Variants in TNFSF4 observed in about 807,000 individuals in gnomAD.
TNFSF4 encodes TNF superfamily member 4, also known as tumor necrosis factor ligand superfamily member 4.
Under a neutral mutation model 7.3 loss-of-function variants are expected in TNFSF4, and 4 were observed. The ratio of observed to expected loss-of-function variants is 0.55; its 90% CI spans 0.27 to 1.25. The LOEUF (loss-of-function observed/expected upper bound fraction) is 1.25. TNFSF4 is among the 50% of genes most tolerant of loss of function. The pLI, the probability that TNFSF4 is intolerant of heterozygous loss-of-function variation, is 0.12. For synonymous variants in TNFSF4, 76 were observed against 83.7 expected (o/e 0.91, Z 0.50); for missense variants, 181 against 208.8 (o/e 0.87, Z 0.82).
the TNFSF4 span, among the ~76,000 whole-genome samples, chr1:173,435,376 C>G: frequency 6.6e-6 from 1 of 152,138 alleles, no homozygotes. Context: ...ACTCCTAACC[C>G]CCAGTGTGGC....
the TNFSF4 span, among the ~76,000 whole-genome samples, chr1:173,294,466 T>G: frequency 1.3e-5 from 2 of 151,868 alleles, no homozygotes. Flanking sequence ...GGGAGGGTCA[T>G]AGATGAGGGT....
At chr1:173,314,089 TAAA>T in the TNFSF4 span, among the ~76,000 whole-genome samples, 2 of 152,088 alleles carry the variant, frequency 1.3e-5, no homozygotes, top group African/African-American at 4.8e-5. Context: ...CTTTACATAA[TAAA>T]AATTATAATA....
the TNFSF4 span, among the ~76,000 whole-genome samples, chr1:173,428,604 T>A: frequency 6.6e-6 from 1 of 152,274 alleles, no homozygotes; most frequent in African/African-American, 2.4e-5. Context: ...GACTAGTTTA[T>A]GATATTAATG....
the TNFSF4 span, among the ~76,000 whole-genome samples, chr1:173,381,631 G>T: frequency 1.3e-5 from 2 of 152,140 alleles, no homozygotes; most frequent in Non-Finnish European, 2.9e-5. Flanking sequence ...GGCCTAAAGA[G>T]TTCCCCTCTG....
At chr1:173,415,169 AGT>A in the TNFSF4 span, among the ~76,000 whole-genome samples, 2 of 152,224 alleles carry the variant, frequency 1.3e-5, no homozygotes. Context: ...CCTTGAATAA[AGT>A]GTTCGTTGCT....
At chr1:173,285,852 C>T in the TNFSF4 span, among the ~76,000 whole-genome samples, 1 of 152,122 alleles carries the variant, frequency 6.6e-6, no homozygotes, top group African/African-American at 2.4e-5. Flanking sequence ...ATGTGACTGT[C>T]CTTGTTGCTA....
the TNFSF4 span, among the ~76,000 whole-genome samples, chr1:173,329,493 A>T: frequency 1.3e-5 from 2 of 152,194 alleles, no homozygotes; most frequent in Non-Finnish European, 2.9e-5. Flanking sequence ...GGCCAACTAC[A>T]AAAGGAGAGT....
the TNFSF4 span, among the ~76,000 whole-genome samples, chr1:173,365,071 T>C: frequency 6.8e-6 from 1 of 147,596 alleles, no homozygotes; most frequent in Non-Finnish European, 1.5e-5. Flanking sequence ...TGGGAAACAG[T>C]GTGAGACCCT....
the TNFSF4 span, chr1:173,352,077 C>A: frequency 3.4e-6 from 1 of 297,010 alleles, no homozygotes; most frequent in Non-Finnish European, 6.2e-6. Flanking sequence ...CTCATGGTGG[C>A]CATTGAGTTT....
chr1:173,337,593 G>C, the TNFSF4 span, among the ~76,000 whole-genome samples: 1 of 152,220 alleles, frequency 6.6e-6, no homozygotes, highest in African/African-American at 2.4e-5. Flanking sequence ...CCACCCAAAA[G>C]TGGACAGCTG....
the TNFSF4 span, among the ~76,000 whole-genome samples, chr1:173,408,573 A>G: frequency 6.6e-6 from 1 of 152,242 alleles, no homozygotes; most frequent in South Asian, 2.1e-4. Context: ...CTAATGGATG[A>G]ACATTTCATG....
chr1:173,295,056 C>T, the TNFSF4 span, among the ~76,000 whole-genome samples: 4 of 151,878 alleles, frequency 2.6e-5, no homozygotes, highest in Admixed American at 2.6e-4. Flanking sequence ...AGTCAAATAC[C>T]ACTACACACC....
chr1:173,232,542 G>C, the TNFSF4 span, among the ~76,000 whole-genome samples: 1 of 152,110 alleles, frequency 6.6e-6, no homozygotes, highest in Non-Finnish European at 1.5e-5. Context: ...TCCCTGTCTT[G>C]TGCCAGTTTT....
At chr1:173,175,878 A>T in the TNFSF4 span, among the ~76,000 whole-genome samples, 2 of 151,896 alleles carry the variant, frequency 1.3e-5, no homozygotes, top group African/African-American at 4.8e-5. Context: ...CATGAGTTCC[A>T]TTTTCAATTG....
the TNFSF4 span, among the ~76,000 whole-genome samples, chr1:173,217,014 T>C: frequency 6.6e-6 from 1 of 152,074 alleles, no homozygotes; most frequent in Non-Finnish European, 1.5e-5. Context: ...AAGCTCCAGG[T>C]CCCAAAAATC....
upstream of TNFSF4, among the ~76,000 whole-genome samples, chr1:173,211,933 CA>C (rs1650386859): frequency 6.6e-6 from 1 of 152,156 alleles, no homozygotes; most frequent in Non-Finnish European, 1.5e-5. Context: ...AAGGAATACA[CA>C]AGGCTGGGTA....
At chr1:173,389,264 A>G in the TNFSF4 span, among the ~76,000 whole-genome samples, 1 of 152,214 alleles carries the variant, frequency 6.6e-6, no homozygotes, top group Non-Finnish European at 1.5e-5. Flanking sequence ...AGTCAATGAC[A>G]GGGTAAGAGA....
the TNFSF4 span, among the ~76,000 whole-genome samples, chr1:173,368,727 C>T: frequency 2.0e-5 from 3 of 152,104 alleles, no homozygotes; most frequent in Non-Finnish European, 4.4e-5. Context: ...ACCCTGCAGC[C>T]ATGAGCAGAA....
At chr1:173,327,457 T>C in the TNFSF4 span, among the ~76,000 whole-genome samples, 3 of 151,480 alleles carry the variant, frequency 2.0e-5, no homozygotes, top group African/African-American at 7.3e-5. Context: ...GGACTTCATG[T>C]CTAAAACACC....
Sources: allele counts gnomAD v4.1 joint callset (sites outside exome capture counted in the v4.1 genomes callset), GRCh38; gene constraint gnomAD v4.1.1; transcripts MANE v1.5; gene names NCBI Gene and HGNC (gene_info 2026-07-23, HGNC 2026-07-21).